RAB3B: variants seen among roughly 807,000 people sequenced by gnomAD.
The protein encoded by RAB3B is ras-related protein Rab-3B.
Under a neutral mutation model 20.5 loss-of-function variants are expected in RAB3B, and 11 were observed. The observed-to-expected ratio is 0.54, with a 90% CI of 0.34 to 0.89. The LOEUF (loss-of-function observed/expected upper bound fraction) is 0.89, where lower values mean the gene tolerates loss of function less well. Among genes scored for constraint, RAB3B ranks in the 40% least tolerant of loss-of-function variants. RAB3B has a pLI of 0.02. For synonymous variants in RAB3B, 99 were observed against 106.3 expected (o/e 0.93, Z 0.42); for missense variants, 225 against 280.9 (o/e 0.80, Z 1.42).
At chr1:51,989,286 T>G (rs1019040521) in intron 1 of RAB3B, among the ~76,000 whole-genome samples, 3 of 141,772 alleles carry the variant, frequency 2.1e-5, no homozygotes, top group African/African-American at 7.9e-5. Context: ...TCCCACCTCC[T>G]CCACATCTCT....
At chr1:51,960,068 A>C (rs1259388418) in intron 2 of RAB3B, among the ~76,000 whole-genome samples, 1 of 152,044 alleles carries the variant, frequency 6.6e-6, no homozygotes, top group Admixed American at 6.6e-5. Context: ...AGTGACAGCG[A>C]TTATGGAGGG....
At chr1:51,949,481 C>T (rs1006542472) in intron 2 of RAB3B, among the ~76,000 whole-genome samples, 2 of 152,228 alleles carry the variant, frequency 1.3e-5, no homozygotes, top group Admixed American at 1.3e-4. Context: ...GCCACTGCAA[C>T]CGCACCTTCG....
intron 2 of RAB3B, among the ~76,000 whole-genome samples, chr1:51,945,667 G>A (rs1397101723): frequency 1.3e-5 from 2 of 152,222 alleles, no homozygotes; most frequent in Admixed American, 6.5e-5. Flanking sequence ...CCAGGAGCAG[G>A]GCCAGCTTCC....
intron 2 of RAB3B, among the ~76,000 whole-genome samples, chr1:51,942,482 C>T (rs1204679723): frequency 4.0e-4 from 61 of 152,184 alleles, no homozygotes; most frequent in Admixed American, 4.0e-3. Flanking sequence ...GCCATATAGT[C>T]TTGAGGTTAA....
At chr1:51,959,228 T>G (rs1483379786) in intron 2 of RAB3B, among the ~76,000 whole-genome samples, 5 of 151,696 alleles carry the variant, frequency 3.3e-5, no homozygotes, top group Non-Finnish European at 5.9e-5. Context: ...TGATAGAAAA[T>G]GGGGGAGGAG....
chr1:51,989,323 C>T (rs1685193195), intron 1 of RAB3B, among the ~76,000 whole-genome samples: 1 of 151,152 alleles, frequency 6.6e-6, no homozygotes, highest in African/African-American at 2.4e-5. Flanking sequence ...TGCTGCCCTG[C>T]CCTCCCCAAA....
At chr1:51,965,627 A>G (rs1199617981) in intron 2 of RAB3B, among the ~76,000 whole-genome samples, 1 of 151,694 alleles carries the variant, frequency 6.6e-6, no homozygotes, top group East Asian at 1.9e-4. Context: ...AGCCTGGGCA[A>G]CAGAGCAAGG....
chr1:51,965,824 A>G (rs1557973867), intron 2 of RAB3B, among the ~76,000 whole-genome samples: 1 of 152,164 alleles, frequency 6.6e-6, no homozygotes, highest in Non-Finnish European at 1.5e-5. Flanking sequence ...ACCAATGTCA[A>G]TTTCTTAGTT....
chr1:51,947,671 G>A (rs1219111716), intron 2 of RAB3B, among the ~76,000 whole-genome samples: 2 of 152,038 alleles, frequency 1.3e-5, no homozygotes, highest in Non-Finnish European at 2.9e-5. Context: ...TTTTCCACAC[G>A]GTCGTCACAC....
At position 51,915,048 on chromosome 1, in the gene RAB3B, C is replaced by T. The variant is rs1362805274; in HGVS notation, c.*4879G>A. ...GCCTGGTACTACCAGAGGGTATATC[C>T]CATCTACCCTTCTGCTAAGACAATC... On this transcript the variant is annotated 3_prime_UTR_variant, in exon 5 of 5. Coordinates refer to ENST00000371655, the MANE Select transcript of RAB3B (RefSeq NM_002867.4). 1 of 152,068 alleles carries T rather than the reference C, an allele frequency of 6.6e-6. No individual in the cohort carries two copies. The highest frequency in any genetic ancestry group is 1.5e-5 in the Non-Finnish European group (1 of 68,012). 9.4% of individuals were successfully genotyped at this position (152,068 alleles called of 1,614,324 possible). A position where few individuals can be genotyped will look rare whatever the true frequency, so the allele number is the denominator to read the frequency against.
chr1:51,951,024 G>A (rs2795003), intron 2 of RAB3B, among the ~76,000 whole-genome samples: 2 of 152,164 alleles, frequency 1.3e-5, no homozygotes, highest in South Asian at 4.1e-4. Flanking sequence ...TAATATTATA[G>A]CTATCCGTCC....
At chr1:51,968,093 A>G (rs1684881355) in intron 2 of RAB3B, among the ~76,000 whole-genome samples, 1 of 152,126 alleles carries the variant, frequency 6.6e-6, no homozygotes, top group Admixed American at 6.5e-5. Context: ...AGGGGCCCCA[A>G]GCAAAGGGAT....
At chr1:51,939,994 A>G (rs1485753380) in intron 2 of RAB3B, among the ~76,000 whole-genome samples, 1 of 152,262 alleles carries the variant, frequency 6.6e-6, no homozygotes, top group East Asian at 1.9e-4. Context: ...AAAAATAAAT[A>G]AGGAGAAAAA....
chr1:51,926,993 C>T (rs374660787), intron 4 of RAB3B, among the ~76,000 whole-genome samples: 3 of 152,162 alleles, frequency 2.0e-5, no homozygotes, highest in Admixed American at 6.5e-5. Flanking sequence ...GATAATGCAG[C>T]CTTCTGTGCT....
At chr1:51,985,393 T>C (rs1168551983) in intron 1 of RAB3B, among the ~76,000 whole-genome samples, 1 of 152,152 alleles carries the variant, frequency 6.6e-6, no homozygotes, top group Non-Finnish European at 1.5e-5. Flanking sequence ...AAGAAACACA[T>C]ATAGAGCATT....
chr1:51,913,406 G>A lies in RAB3B; in HGVS notation c.*6521C>T, dbSNP rs1165167584. 6.6e-6 allele frequency: 1 copy of A among 151,784 alleles called. No homozygotes were observed. The allele number at this position is 151,784 out of a possible 1,614,324, so 9.4% of individuals were successfully genotyped here. A position where few individuals can be genotyped will look rare whatever the true frequency, so the allele number is the denominator to read the frequency against. On this transcript the variant is annotated 3_prime_UTR_variant, in exon 5 of 5. Coordinates refer to ENST00000371655, the MANE Select transcript of RAB3B (RefSeq NM_002867.4). ...CAGAGGACTGAGGGTGCTTCCTGTG[G>A]TAGATTGAAAAATTGGTCACCATAT...
At chr1:51,977,190 C>T in intron 1 of RAB3B, 73 bp from the exon 2 acceptor site, 1 of 1,104,140 alleles carries the variant, frequency 9.1e-7, no homozygotes, top group Non-Finnish European at 1.4e-6. Flanking sequence ...TTCTAATGGT[C>T]ACCCCACCAT....
intron 4 of RAB3B, among the ~76,000 whole-genome samples, chr1:51,926,928 T>TGATA (rs1684252452): frequency 6.6e-6 from 1 of 152,200 alleles, no homozygotes; most frequent in African/African-American, 2.4e-5. Context: ...ACTGTACTGG[T>TGATA]GATAATATAC....
At chr1:51,981,368 T>A (rs1468424713) in intron 1 of RAB3B, among the ~76,000 whole-genome samples, 1 of 152,222 alleles carries the variant, frequency 6.6e-6, no homozygotes, top group African/African-American at 2.4e-5. Flanking sequence ...ACAAGTAATA[T>A]GAAACCTAAA....
Sources: gnomAD v4.1 joint callset for allele counts (sites outside exome capture counted in the v4.1 genomes callset) on GRCh38, gnomAD v4.1.1 for gene constraint, MANE v1.5 for transcripts, NCBI Gene and HGNC (gene_info 2026-07-23, HGNC 2026-07-21) for gene names.